TTBK1: variants seen among roughly 807,000 people sequenced by gnomAD.
TTBK1 encodes tau tubulin kinase 1, also known as tau-tubulin kinase 1.
Under a neutral mutation model 108.5 loss-of-function variants are expected in TTBK1, and 34 were observed. The observed-to-expected ratio is 0.31, with a 90% CI of 0.24 to 0.42. The LOEUF (loss-of-function observed/expected upper bound fraction) is 0.42, where lower values mean the gene tolerates loss of function less well. TTBK1 is among the 10% of genes least tolerant of loss of function. The pLI is 1.00. For synonymous variants in TTBK1, 809 were observed against 795.1 expected, an observed-to-expected ratio of 1.02 and a Z score of -0.29; for missense variants, 1,539 against 1,826.0, an observed-to-expected ratio of 0.84 and a Z score of 2.86.
chr6:43,280,829 G>A (rs1438854160), intron 13 of TTBK1, among the ~76,000 whole-genome samples: 1 of 152,182 alleles, frequency 6.6e-6, no homozygotes, highest in East Asian at 1.9e-4. Flanking sequence ...GGAGCTGTTT[G>A]AGCTGGTCTT....
chr6:43,285,427 C>G lies in TTBK1; in HGVS notation c.*51C>G. On this transcript the variant is annotated 3_prime_UTR_variant, in exon 15 of 15. Coordinates refer to ENST00000259750, the MANE Select transcript of TTBK1 (RefSeq NM_032538.3). The surrounding 1 kb of genome is among the most constrained non-coding windows in gnomAD (Gnocchi z 4.7). ...CCCACCCTCACCCCGGCCCCCCACCCGCAGCCGGCCACACTGGAGCAGCTC... is the reference window on the plus strand; with the variant it reads ...CCCACCCTCACCCCGGCCCCCCACCGGCAGCCGGCCACACTGGAGCAGCTC... 8.0e-7 allele frequency: 1 copy of G among 1,249,830 alleles called. No homozygotes were observed. The highest frequency in any genetic ancestry group is 1.0e-6 in the Non-Finnish European group (1 of 1,000,252). 77.4% of individuals were successfully genotyped at this position (1,249,830 alleles called of 1,614,324 possible). A position where few individuals can be genotyped will look rare whatever the true frequency, so the allele number is the denominator to read the frequency against.
chr6:43,246,557 G>C, intron 1 of TTBK1, 50 bp from the exon 2 acceptor site: 1 of 732,684 alleles, frequency 1.4e-6, no homozygotes, highest in South Asian at 1.9e-5. Context: ...TATCTGCCAG[G>C]TGGTCCTGGG....
chr6:43,270,276 G>A, intron 13 of TTBK1: 1 of 1,126,868 alleles, frequency 8.9e-7, no homozygotes, highest in Non-Finnish European at 1.1e-6. Flanking sequence ...AGTGGAAAGA[G>A]AGGTGTCAGG....
In TTBK1 at chr6:43,263,120, C is replaced by T. The variant is rs535076478; in HGVS notation, c.1756C>T (p.Arg586Trp). 5.7e-6 allele frequency: 9 copies of T among 1,565,292 alleles called. No individual in the cohort carries two copies. In the African/African-American group the frequency reaches 6.8e-5, roughly 12 times the overall value. ...PLPEEGEERR[R>W]LGAEPTVRPR... ...GCCCGAGGAGGGCGAAGAGCGGCGG[C>T]GGCTGGGGGCAGAGCCCACCGTCCG... The change falls in exon 13 of 15, where the codon CGG (arginine) becomes TGG (tryptophan). Residue 586 changes from arginine (R) to tryptophan (W), a missense_variant. Physicochemically the swap from Arg to Trp is moderately radical, Grantham distance 101 (BLOSUM62 -3). Coordinates refer to ENST00000259750, the MANE Select transcript of TTBK1 (RefSeq NM_032538.3). This position sits in a 1 kb window ranked among gnomAD's most constrained non-coding sequence, Gnocchi z 4.7.
At chr6:43,250,556 G>A (rs9394945) in intron 2 of TTBK1, among the ~76,000 whole-genome samples, 1 of 151,838 alleles carries the variant, frequency 6.6e-6, no homozygotes, top group Admixed American at 6.6e-5. Flanking sequence ...ACAGGGTTTC[G>A]CCATGTTGGC....
chr6:43,244,720 T>G (rs1425063776), intron 1 of TTBK1, among the ~76,000 whole-genome samples: 1 of 152,104 alleles, frequency 6.6e-6, no homozygotes, highest in Non-Finnish European at 1.5e-5. Context: ...AGGACACAAA[T>G]TTTCCTTATC....
In TTBK1 at chr6:43,253,175, C is replaced by T. The variant is rs1239736584; in HGVS notation, c.257-116C>T. ...GGCCAGGGAGGTGGCAAGACAGGTG[C>T]TCACAGGGCCAGCACTGGAGGGACC... On this transcript the variant is annotated intron_variant, in intron 3 of 14. Transcript: ENST00000259750. This position sits in a 1 kb window ranked among gnomAD's most constrained non-coding sequence, Gnocchi z 5.8. The T allele has an allele frequency of 6.0e-6, 7 of 1,175,704 alleles. No homozygotes were observed. The Admixed American group carries it at 1.2e-4, about 21-fold the overall frequency. 72.8% of individuals were successfully genotyped at this position (1,175,704 alleles called of 1,614,324 possible). A position where few individuals can be genotyped will look rare whatever the true frequency, so the allele number is the denominator to read the frequency against.
In TTBK1 at chr6:43,284,328, C is replaced by T. The variant is rs748791983; in HGVS notation, c.3572+16C>T. On this transcript the variant is annotated intron_variant, in intron 14 of 14. Coordinates refer to ENST00000259750, the MANE Select transcript of TTBK1 (RefSeq NM_032538.3). ...TCACCAGCAGGTGAGAAACCGCTGCCAGCCCCAGGGTGGGCAGAGGGTGGC... is the reference window on the plus strand; with the variant it reads ...TCACCAGCAGGTGAGAAACCGCTGCTAGCCCCAGGGTGGGCAGAGGGTGGC... 10 of 1,531,228 alleles carry T rather than the reference C, an allele frequency of 6.5e-6. No individual in the cohort carries two copies. The highest frequency in any genetic ancestry group is 7.9e-6 in the Non-Finnish European group (9 of 1,142,806). The allele number at this position is 1,531,228 out of a possible 1,614,324, so 94.9% of individuals were successfully genotyped here. A position where few individuals can be genotyped will look rare whatever the true frequency, so the allele number is the denominator to read the frequency against.
intron 7 of TTBK1, among the ~76,000 whole-genome samples, chr6:43,255,323 C>T (rs887907863): frequency 2.6e-5 from 4 of 152,132 alleles, no homozygotes; most frequent in Non-Finnish European, 5.9e-5. Flanking sequence ...TCTCTGTTCT[C>T]ACTACAGACC....
rs1214458764 is a variant in TTBK1, at chr6:43,265,182, A to G, written c.1986+1832A>G. ...TCAGGGGCTGTGCCGCGTTCCACAT[A>G]GTGGTCCCACATTGGGGGCGTACAC... On this transcript the variant is annotated intron_variant, in intron 13 of 14. Transcript: ENST00000259750. This position sits in a 1 kb window ranked among gnomAD's most constrained non-coding sequence, Gnocchi z 4.1. Among the ~76,000 whole-genome samples, 1 of 152,074 alleles carries G rather than the reference A, an allele frequency of 6.6e-6. No individual in the cohort carries two copies. Among genetic ancestry groups the G allele is most frequent in the African/African-American group, 2.4e-5 (1 of 41,410 alleles).
intron 1 of TTBK1, among the ~76,000 whole-genome samples, chr6:43,244,930 G>A (rs1777048885): frequency 6.6e-6 from 1 of 152,030 alleles, no homozygotes; most frequent in South Asian, 2.1e-4. Flanking sequence ...AATTCCTGAT[G>A]CCCCATATCC....
intron 13 of TTBK1, among the ~76,000 whole-genome samples, chr6:43,281,763 C>T (rs1033249246): frequency 1.3e-5 from 2 of 152,134 alleles, no homozygotes; most frequent in Non-Finnish European, 2.9e-5. Context: ...TGCTGGACAT[C>T]GTCAGCACCG....
intron 13 of TTBK1, chr6:43,270,748 A>C: frequency 5.1e-6 from 5 of 985,452 alleles, no homozygotes; most frequent in Non-Finnish European, 6.0e-6. Context: ...CCACCTCCCA[A>C]GGCAGGCTGG....
At chr6:43,272,299 C>T in intron 13 of TTBK1, 2 of 985,504 alleles carry the variant, frequency 2.0e-6, no homozygotes, top group African/African-American at 1.7e-5. Flanking sequence ...ACAGCTCCAT[C>T]TCAGTGACCA....
rs1223556396 is a variant in TTBK1 at position 43,250,549 on chromosome 6, G to C, written c.109-2190G>C. ...TGTTTTGTAGTTTTAAATAGAGACA[G>C]GGTTTCGCCATGTTGGCCAAGCTGG... On this transcript the variant is annotated intron_variant, in intron 2 of 14. Coordinates refer to ENST00000259750, the MANE Select transcript of TTBK1 (RefSeq NM_032538.3). 2.0e-5 allele frequency among the ~76,000 whole-genome samples: 3 copies of C among 152,010 alleles called. No individual in the cohort carries two copies. The East Asian group carries it at 5.8e-4, about 29-fold the overall frequency.
chr6:43,266,656 C>T (rs1218319224), intron 13 of TTBK1, among the ~76,000 whole-genome samples: 1 of 151,018 alleles, frequency 6.6e-6, no homozygotes, highest in Admixed American at 6.6e-5. Flanking sequence ...TGCTCTTGTT[C>T]CCCAGGCTGG....
intron 13 of TTBK1, among the ~76,000 whole-genome samples, chr6:43,279,021 G>A (rs960984387): frequency 6.6e-6 from 1 of 152,370 alleles, no homozygotes; most frequent in African/African-American, 2.4e-5. Context: ...ACTGGAAAGA[G>A]TTTTGGGTCC....
chr6:43,280,656 C>T (rs1423631955), intron 13 of TTBK1, among the ~76,000 whole-genome samples: 2 of 152,140 alleles, frequency 1.3e-5, no homozygotes, highest in Non-Finnish European at 2.9e-5. Flanking sequence ...CTCTGTGTAT[C>T]AGGAGAGGGA....
Position 43,283,281 on chromosome 6 carries a change from G to C in TTBK1, c.2541G>C (p.Ser847=). The C allele has an allele frequency of 6.4e-7, 1 of 1,563,166 alleles. No individual in the cohort carries two copies. The highest frequency in any genetic ancestry group is 8.7e-7 in the Non-Finnish European group (1 of 1,154,014). The change falls in exon 14 of 15, where the codon TCG becomes TCC. Residue 847 remains serine, a synonymous_variant. Coordinates refer to ENST00000259750, the MANE Select transcript of TTBK1 (RefSeq NM_032538.3). This position sits in a 1 kb window ranked among gnomAD's most constrained non-coding sequence, Gnocchi z 8.1. The part of the protein sequence containing the change: ...VLVSPGDMKK[S]PVTAELAPDP... Reference sequence around the variant, plus strand: ...TCTCTCCTGGCGACATGAAGAAGTCGCCCGTCACTGCCGAACTGGCCCCCG... The same window carrying C: ...TCTCTCCTGGCGACATGAAGAAGTCCCCCGTCACTGCCGAACTGGCCCCCG...
Sources: gnomAD v4.1 joint callset for allele counts (sites outside exome capture counted in the v4.1 genomes callset) on GRCh38, gnomAD v4.1.1 for gene constraint, Gnocchi (gnomAD v3.1) non-coding constraint, MANE v1.5 for transcripts, NCBI Gene and HGNC (gene_info 2026-07-23, HGNC 2026-07-21) for gene names.